ANKRD28: variants seen among roughly 807,000 people sequenced by gnomAD.
ANKRD28 encodes serine/threonine-protein phosphatase 6 regulatory ankyrin repeat subunit A.
ANKRD28 carries 44 observed loss-of-function variants against 126.5 expected under a neutral mutation model. The ratio of observed to expected loss-of-function variants is 0.35; its 90% CI spans 0.27 to 0.45. The LOEUF is 0.45. Among genes scored for constraint, ANKRD28 ranks in the 20% least tolerant of loss-of-function variants. The pLI is 1.00. For missense variants in ANKRD28, 1,110 were observed against 1,316.6 expected, an observed-to-expected ratio of 0.84 and a Z score of 2.43; for synonymous variants, 442 against 468.5, an observed-to-expected ratio of 0.94 and a Z score of 0.73.
chr3:15,840,494 A>G (rs1249814014), intron 1 of ANKRD28, among the ~76,000 whole-genome samples: 2 of 152,166 alleles, frequency 1.3e-5, no homozygotes, highest in Non-Finnish European at 2.9e-5. Context: ...TGCAATGCCA[A>G]TGACAAAATA....
intron 2 of ANKRD28, among the ~76,000 whole-genome samples, chr3:15,773,998 T>A (rs533333671): frequency 6.8e-4 from 103 of 152,228 alleles, no homozygotes; most frequent in African/African-American, 2.4e-3. Context: ...AGTCTAGAAA[T>A]AAACCCACAC....
At chr3:15,731,337 T>C (rs1423260562) in intron 6 of ANKRD28, among the ~76,000 whole-genome samples, 1 of 152,218 alleles carries the variant, frequency 6.6e-6, no homozygotes, top group Non-Finnish European at 1.5e-5. Context: ...TAATTCTTAG[T>C]AGGTAAAAAC....
chr3:15,740,338 T>A (rs2075362782), intron 4 of ANKRD28, among the ~76,000 whole-genome samples: 1 of 152,164 alleles, frequency 6.6e-6, no homozygotes. Flanking sequence ...CTTAAGGGTG[T>A]ACACTAAAAA....
chr3:15,812,585 C>T lies in ANKRD28; in HGVS notation c.28-17279G>A, dbSNP rs1265769515. Reference sequence around the variant, plus strand: ...ATTTTACTATATTAAGTTGGCATTTCGTTGTTGTTTTTCTGTCTTGCTTAC... The same window carrying T: ...ATTTTACTATATTAAGTTGGCATTTTGTTGTTGTTTTTCTGTCTTGCTTAC... On this transcript the variant is annotated intron_variant, in intron 1 of 27. Coordinates refer to the ANKRD28 transcript ENST00000399451. The surrounding 1 kb of genome is among the most constrained non-coding windows in gnomAD (Gnocchi z 4.1). 6.6e-6 allele frequency among the ~76,000 whole-genome samples: 1 copy of T among 152,120 alleles called. No homozygotes were observed. The highest frequency in any genetic ancestry group is 1.5e-5 in the Non-Finnish European group (1 of 68,020).
intron 6 of ANKRD28, among the ~76,000 whole-genome samples, chr3:15,727,167 T>A (rs997961860): frequency 1.3e-5 from 2 of 152,188 alleles, no homozygotes; most frequent in Non-Finnish European, 2.9e-5. Context: ...ATTTCAACTT[T>A]CAAAGTCTTA....
rs2060789626 is a variant in ANKRD28, at chr3:15,814,384, A to G, written c.28-19078T>C. On this transcript the variant is annotated intron_variant, in intron 1 of 27. Coordinates refer to the ANKRD28 transcript ENST00000399451. The surrounding 1 kb of genome is among the most constrained non-coding windows in gnomAD (Gnocchi z 4.7). ...TTAAGGGCTATGTTATTTATAAATA[A>G]CTAGTACCTTAACAAAACATTGAAT... 9.9e-6 allele frequency: 7 copies of G among 706,406 alleles called. No individual in the cohort carries two copies. Among genetic ancestry groups the G allele is most frequent in the Non-Finnish European group, 1.2e-5 (6 of 509,792 alleles). 43.8% of individuals were successfully genotyped at this position (706,406 alleles called of 1,614,324 possible).
chr3:15,780,626 C>A (rs768054566), intron 2 of ANKRD28, among the ~76,000 whole-genome samples: 3 of 151,668 alleles, frequency 2.0e-5, no homozygotes, highest in African/African-American at 7.3e-5. Flanking sequence ...CAATAACCAG[C>A]GAAAAAAACA....
intron 1 of ANKRD28, among the ~76,000 whole-genome samples, chr3:15,810,365 A>G (rs974214467): frequency 6.6e-6 from 1 of 152,184 alleles, no homozygotes; most frequent in African/African-American, 2.4e-5. Flanking sequence ...CTGAGACATA[A>G]GAAAATAATG....
intron 15 of ANKRD28, among the ~76,000 whole-genome samples, chr3:15,695,610 T>A (rs371119009): frequency 1.3e-5 from 2 of 152,134 alleles, no homozygotes; most frequent in East Asian, 3.8e-4. Context: ...GTTACACACA[T>A]GAATATCTTT....
chr3:15,770,331 G>A (rs1237905155), intron 2 of ANKRD28, among the ~76,000 whole-genome samples: 1 of 150,660 alleles, frequency 6.6e-6, no homozygotes, highest in Admixed American at 6.6e-5. Flanking sequence ...TCAGAGCAAT[G>A]TAACTTTAAA....
intron 14 of ANKRD28, among the ~76,000 whole-genome samples, chr3:15,704,269 G>A (rs934018432): frequency 3.9e-5 from 6 of 152,038 alleles, no homozygotes; most frequent in Non-Finnish European, 8.8e-5. Context: ...TCAGGACAAT[G>A]GGGGTAACAA....
chr3:15,834,058 T>A (rs980590988), intron 1 of ANKRD28, among the ~76,000 whole-genome samples: 1 of 152,194 alleles, frequency 6.6e-6, no homozygotes, highest in African/African-American at 2.4e-5. Context: ...TCACTGTTTC[T>A]TTTACTGTGT....
intron 1 of ANKRD28, among the ~76,000 whole-genome samples, chr3:15,847,866 T>C (rs2061560598): frequency 6.6e-6 from 1 of 152,238 alleles, no homozygotes; most frequent in Non-Finnish European, 1.5e-5. Context: ...ACCGATTCCC[T>C]GCTTTGCCTC....
Position 15,668,457 on chromosome 3 carries a change from C to T in ANKRD28, c.*1813G>A, listed in dbSNP as rs2066091918. 1 of 151,544 alleles carries T rather than the reference C, an allele frequency of 6.6e-6. No individual in the cohort carries two copies. The highest frequency in any genetic ancestry group is 2.1e-4 in the South Asian group (1 of 4,784). 9.4% of individuals were successfully genotyped at this position (151,544 alleles called of 1,614,324 possible). ...AATAATTAGGAAGGGTTCATTATGA[C>T]TTCTTTATATTATAAAGAAAAGATG... On this transcript the variant is annotated 3_prime_UTR_variant, in exon 28 of 28. Transcript: ENST00000683139.
At chr3:15,725,693 T>G (rs770654319) in intron 6 of ANKRD28, among the ~76,000 whole-genome samples, 1 of 152,196 alleles carries the variant, frequency 6.6e-6, no homozygotes, top group Non-Finnish European at 1.5e-5. Context: ...CTGTGATCAC[T>G]GATCTTTGAC....
intron 2 of ANKRD28, among the ~76,000 whole-genome samples, chr3:15,775,388 T>C (rs377573307): frequency 7.2e-5 from 11 of 152,150 alleles, no homozygotes; most frequent in Admixed American, 6.5e-4. Flanking sequence ...CATAAAGCAA[T>C]TCCCCGGAGG....
At position 15,713,554 on chromosome 3, in the gene ANKRD28, A is replaced by G; in HGVS notation, c.1163T>C (p.Leu388Pro). Reference sequence around the variant, plus strand: ...TGCAGTGTCAGCACCACTTGTAATAAGAGTGTTGATCAGCAGCTCATGGCC... The same window carrying G: ...TGCAGTGTCAGCACCACTTGTAATAGGAGTGTTGATCAGCAGCTCATGGCC... ...RYGHELLINT[L>P]ITSGADTAKR... is the part of the protein sequence containing the mutation. The change falls in exon 10 of 28, where the codon CTT becomes CCT. Residue 388 changes from leucine to proline, a missense_variant. By Grantham distance (98) the Leu-to-Pro change is moderately conservative. Transcript: ENST00000683139. The G allele has an allele frequency of 6.2e-7, 1 of 1,611,832 alleles. No individual in the cohort carries two copies. Among genetic ancestry groups the G allele is most frequent in the East Asian group, 2.2e-5 (1 of 44,742 alleles).
chr3:15,692,681 G>A (rs2068966309), intron 17 of ANKRD28, among the ~76,000 whole-genome samples: 1 of 152,168 alleles, frequency 6.6e-6, no homozygotes, highest in Admixed American at 6.5e-5. Context: ...TTTCGTGTAA[G>A]AAATTAAAGT....
intron 18 of ANKRD28, among the ~76,000 whole-genome samples, chr3:15,689,507 G>A (rs533366399): frequency 4.6e-5 from 7 of 152,220 alleles, no homozygotes; most frequent in Non-Finnish European, 5.9e-5. Context: ...AGAGGCCACA[G>A]GAGGAAGGGA....
Sources: allele counts gnomAD v4.1 joint callset (sites outside exome capture counted in the v4.1 genomes callset), GRCh38; gene constraint gnomAD v4.1.1; non-coding constraint Gnocchi (gnomAD v3.1); transcripts MANE v1.5; gene names NCBI Gene and HGNC (gene_info 2026-07-23, HGNC 2026-07-21).